Variants in PHACTR1 observed in about 807,000 individuals in gnomAD.
PHACTR1 encodes the protein RPEL repeat containing 1.
PHACTR1 carries 16 observed loss-of-function variants against 69.2 expected under a neutral mutation model. The observed-to-expected ratio is 0.23, with a 90% CI of 0.16 to 0.35. PHACTR1 has a LOEUF of 0.35. Among genes scored for constraint, PHACTR1 ranks in the 10% least tolerant of loss-of-function variants. The pLI is 1.00. For synonymous variants in PHACTR1, 312 were observed against 284.5 expected, an observed-to-expected ratio of 1.10 and a Z score of -0.97; for missense variants, 510 against 734.7, an observed-to-expected ratio of 0.69 and a Z score of 3.54.
At chr6:12,886,805 A>C (rs1783687367) in intron 4 of PHACTR1, among the ~76,000 whole-genome samples, 1 of 152,006 alleles carries the variant, frequency 6.6e-6, no homozygotes, top group Admixed American at 6.6e-5. Flanking sequence ...GGACTTAATG[A>C]TTAGGTGGCA....
chr6:13,248,798 T>G (rs1449535329), intron 10 of PHACTR1, among the ~76,000 whole-genome samples: 1 of 152,138 alleles, frequency 6.6e-6, no homozygotes, highest in Non-Finnish European at 1.5e-5. Flanking sequence ...ACCAAAAATC[T>G]AATCTGCATG....
At chr6:13,199,319 G>A (rs1386398682) in intron 7 of PHACTR1, among the ~76,000 whole-genome samples, 1 of 149,886 alleles carries the variant, frequency 6.7e-6, no homozygotes, top group East Asian at 2.0e-4. Flanking sequence ...GGGAGGTGGA[G>A]GTTGCAGTGA....
At chr6:13,262,844 T>C (rs1029981726) in intron 10 of PHACTR1, among the ~76,000 whole-genome samples, 1 of 152,240 alleles carries the variant, frequency 6.6e-6, no homozygotes. Context: ...AAAATGCAGT[T>C]ACCTTTCTCT....
At position 12,801,962 on chromosome 6, in the gene PHACTR1, T is replaced by G. The variant is rs781544571; in HGVS notation, c.250+52172T>G. On this transcript the variant is annotated intron_variant, in intron 4 of 14. Transcript: ENST00000332995. ...TTTTGATGACCTTGTTTACCATTAC[T>G]TATATTGGTGGCCTCATCTGATTCA... Among the ~76,000 whole-genome samples, 25 of 151,946 alleles carry G rather than the reference T, an allele frequency of 1.6e-4. 1 individual carries two copies. The highest frequency in any genetic ancestry group is 6.6e-5 in the Admixed American group (1 of 15,248).
At chr6:13,059,327 G>A (rs945387897) in intron 5 of PHACTR1, among the ~76,000 whole-genome samples, 13 of 152,076 alleles carry the variant, frequency 8.5e-5, no homozygotes, top group Non-Finnish European at 1.6e-4. Flanking sequence ...TTTCTTAATG[G>A]CCATAAAAGC....
chr6:13,070,991 T>A (rs1809425116), intron 5 of PHACTR1, among the ~76,000 whole-genome samples: 1 of 149,816 alleles, frequency 6.7e-6, no homozygotes, highest in Non-Finnish European at 1.5e-5. Flanking sequence ...CCTTAATAAT[T>A]AAAAAAAAAA....
intron 5 of PHACTR1, among the ~76,000 whole-genome samples, chr6:13,066,651 G>A (rs1808687844): frequency 1.3e-5 from 2 of 152,106 alleles, no homozygotes; most frequent in Admixed American, 1.3e-4. Flanking sequence ...TGGACTCAGT[G>A]AGATTGTTCT....
At chr6:12,953,298 G>A (rs1385001579) in intron 4 of PHACTR1, among the ~76,000 whole-genome samples, 5 of 152,128 alleles carry the variant, frequency 3.3e-5, no homozygotes, top group Admixed American at 3.3e-4. Flanking sequence ...ACTCCAGCCT[G>A]GGCAACAGAG....
At position 12,890,988 on chromosome 6, in the gene PHACTR1, A is replaced by G. The variant is rs79704225; in HGVS notation, c.250+141198A>G. ...AATGCTTGGGACAAAGTAATGCTCAATAATCATTCCTTAAATGACCAGCTG... is the reference window on the plus strand; with the variant it reads ...AATGCTTGGGACAAAGTAATGCTCAGTAATCATTCCTTAAATGACCAGCTG... On this transcript the variant is annotated intron_variant, in intron 4 of 14. Transcript: ENST00000332995. Among the ~76,000 whole-genome samples the G allele has an allele frequency of 8.9e-3, 1,352 of 152,290 alleles. 34 individuals carry two copies. In the South Asian group the frequency reaches 0.1, roughly 11 times the overall value.
At chr6:13,115,572 A>G (rs959251171) in intron 5 of PHACTR1, among the ~76,000 whole-genome samples, 8 of 152,170 alleles carry the variant, frequency 5.3e-5, no homozygotes, top group Admixed American at 1.3e-4. Context: ...AGGTGGTCTC[A>G]GGAAACAGGA....
intron 4 of PHACTR1, among the ~76,000 whole-genome samples, chr6:12,830,137 G>GAAAGAAAGA (rs1777364309): frequency 4.5e-5 from 5 of 112,044 alleles, no homozygotes; most frequent in Non-Finnish European, 8.3e-5. Context: ...AAGAAAGAAA[G>GAAAGAAAGA]AAAGAAAGAA....
intron 4 of PHACTR1, among the ~76,000 whole-genome samples, chr6:12,823,291 G>A (rs1776421228): frequency 6.6e-6 from 1 of 152,132 alleles, no homozygotes; most frequent in Admixed American, 6.5e-5. Context: ...AATGACACAT[G>A]GTGAGTGCTT....
chr6:12,771,556 G>A (rs1769374382), intron 4 of PHACTR1, among the ~76,000 whole-genome samples: 1 of 152,186 alleles, frequency 6.6e-6, no homozygotes, highest in Non-Finnish European at 1.5e-5. Flanking sequence ...GGATTGAATT[G>A]TGTTAAAGTG....
At chr6:12,933,594 G>A (rs748248346) in intron 4 of PHACTR1, 270 of 1,607,146 alleles carry the variant, frequency 1.7e-4, no homozygotes, top group Non-Finnish European at 2.2e-4. Flanking sequence ...TCTGACCTGG[G>A]CTCACACCTT....
intron 4 of PHACTR1, among the ~76,000 whole-genome samples, chr6:12,892,184 A>G (rs1366229941): frequency 1.3e-5 from 2 of 152,254 alleles, no homozygotes; most frequent in Non-Finnish European, 2.9e-5. Flanking sequence ...TGAGACAGCA[A>G]GCAGTTTCAC....
intron 5 of PHACTR1, among the ~76,000 whole-genome samples, chr6:13,136,183 G>A (rs1279933409): frequency 6.0e-5 from 9 of 150,642 alleles, no homozygotes; most frequent in African/African-American, 2.0e-4. Context: ...TAAAATGAAC[G>A]TATCCTAAAA....
At chr6:12,766,562 T>A (rs1200999713) in intron 4 of PHACTR1, among the ~76,000 whole-genome samples, 1 of 152,138 alleles carries the variant, frequency 6.6e-6, no homozygotes, top group Non-Finnish European at 1.5e-5. Context: ...GACGTCATAT[T>A]GGTAGCTTGA....
intron 5 of PHACTR1, among the ~76,000 whole-genome samples, chr6:13,130,092 A>G (rs1403777974): frequency 1.3e-5 from 2 of 152,162 alleles, no homozygotes; most frequent in African/African-American, 4.8e-5. Context: ...AAATTTAAAA[A>G]TTCTTTGAGC....
chr6:12,920,012 A>G (rs887377557), intron 4 of PHACTR1, among the ~76,000 whole-genome samples: 42 of 152,232 alleles, frequency 2.8e-4, no homozygotes, highest in African/African-American at 9.9e-4. Flanking sequence ...AAACATTGTA[A>G]TATCTACCTT....
Sources: allele counts gnomAD v4.1 joint callset (sites outside exome capture counted in the v4.1 genomes callset), GRCh38; gene constraint gnomAD v4.1.1; transcripts MANE v1.5; gene names NCBI Gene and HGNC (gene_info 2026-07-23, HGNC 2026-07-21).